KLHDC1: variants seen among roughly 807,000 people sequenced by gnomAD.
KLHDC1 encodes the protein kelch domain containing 1, also known as kelch domain-containing protein 1.
In KLHDC1, 53 loss-of-function variants were observed where a neutral mutation model predicts 68.3. That is an observed-to-expected ratio of 0.78 (90% CI 0.62 to 0.98). The LOEUF is 0.98. Among genes scored for constraint, KLHDC1 ranks in the 50% least tolerant of loss-of-function variants. The pLI is 0.00. For missense variants in KLHDC1, 470 were observed against 492.3 expected (o/e 0.95, Z 0.43); for synonymous variants, 148 against 159.0 (o/e 0.93, Z 0.52).
At chr14:49,732,950 C>A in intron 9 of KLHDC1, 134 bp downstream of exon 9, 1 of 596,864 alleles carries the variant, frequency 1.7e-6, no homozygotes, top group Non-Finnish European at 2.9e-6. Flanking sequence ...TATTTTCTTG[C>A]ATGAATTATG....
chr14:49,713,521 G>A (rs1888263620), intron 4 of KLHDC1, among the ~76,000 whole-genome samples: 3 of 151,886 alleles, frequency 2.0e-5, no homozygotes, highest in Admixed American at 6.6e-5. Flanking sequence ...AATCAATTGA[G>A]TCATTTCTCT....
intron 10 of KLHDC1, among the ~76,000 whole-genome samples, chr14:49,739,614 C>G (rs759208569): frequency 6.6e-6 from 1 of 152,032 alleles, no homozygotes; most frequent in Non-Finnish European, 1.5e-5. Context: ...ACAGTAACAT[C>G]GCAGATAGTA....
rs765520604 is a variant in KLHDC1, at chr14:49,709,699, C to A, written c.168-10C>A. ...GAAAGTTATGGGATTCCATGTTATT[C>A]TTGCTGCAGGAGAATGCACCTCATG... On this transcript the variant is annotated splice_polypyrimidine_tract_variant and intron_variant, in intron 2 of 12. Coordinates refer to ENST00000359332, the MANE Select transcript of KLHDC1 (RefSeq NM_172193.3). 7 of 1,486,242 alleles carry A rather than the reference C, an allele frequency of 4.7e-6. No homozygotes were observed. Among genetic ancestry groups the A allele is most frequent in the Non-Finnish European group, 5.5e-6 (6 of 1,091,650 alleles). 92.1% of individuals were successfully genotyped at this position (1,486,242 alleles called of 1,614,324 possible). A position where few individuals can be genotyped will look rare whatever the true frequency, so the allele number is the denominator to read the frequency against.
chr14:49,731,938 G>A (rs1888819322), intron 8 of KLHDC1, among the ~76,000 whole-genome samples: 1 of 152,054 alleles, frequency 6.6e-6, no homozygotes, highest in Non-Finnish European at 1.5e-5. Context: ...AGAATAGCTA[G>A]CATTTTCAGA....
At chr14:49,748,234 A>G (rs1050466748) in intron 12 of KLHDC1, among the ~76,000 whole-genome samples, 1 of 152,322 alleles carries the variant, frequency 6.6e-6, no homozygotes, top group African/African-American at 2.4e-5. Flanking sequence ...ACTGGGGGAA[A>G]ATGAGCTGGA....
intron 4 of KLHDC1, among the ~76,000 whole-genome samples, chr14:49,717,835 T>TA (rs1888419350): frequency 6.6e-6 from 1 of 152,160 alleles, no homozygotes; most frequent in South Asian, 2.1e-4. Flanking sequence ...TCAATCATCT[T>TA]ACTTGTTATA....
intron 1 of KLHDC1, among the ~76,000 whole-genome samples, chr14:49,698,187 T>C (rs574492976): frequency 2.7e-4 from 41 of 152,238 alleles, no homozygotes; most frequent in Non-Finnish European, 5.1e-4. Flanking sequence ...TGTATAGATT[T>C]CTTTTGAGCC....
intron 4 of KLHDC1, among the ~76,000 whole-genome samples, chr14:49,718,997 T>G (rs1215190873): frequency 6.6e-6 from 1 of 151,954 alleles, no homozygotes; most frequent in African/African-American, 2.4e-5. Context: ...CAAACTGGTC[T>G]CTAACTCCTA....
At chr14:49,696,536 G>T (rs759993407) in intron 1 of KLHDC1, among the ~76,000 whole-genome samples, 4 of 152,046 alleles carry the variant, frequency 2.6e-5, no homozygotes, top group Non-Finnish European at 4.4e-5. Flanking sequence ...ACTCATGTTA[G>T]CTTCAAACTT....
intron 11 of KLHDC1, among the ~76,000 whole-genome samples, chr14:49,742,672 T>TAAAA (rs373370360): frequency 1.4e-5 from 1 of 72,040 alleles, no homozygotes; most frequent in Non-Finnish European, 2.9e-5. Context: ...GACTCCGTCC[T>TAAAA]AAAAAAAAAA....
At position 49,743,875 on chromosome 14, in the gene KLHDC1, G is replaced by T. The variant is rs1438940112; in HGVS notation, c.1034+70G>T. 4 of 913,496 alleles carry T rather than the reference G, an allele frequency of 4.4e-6. No individual in the cohort carries two copies. The African/African-American group carries it at 5.1e-5, about 12-fold the overall frequency. The allele number at this position is 913,496 out of a possible 1,614,324, so 56.6% of individuals were successfully genotyped here. On this transcript the variant is annotated intron_variant, in intron 12 of 12. Transcript: ENST00000359332. Reference sequence around the variant, plus strand: ...ATAATTTCTTTCTCATTTTTGGGAAGCATTGAAATATTTTTCAGGTTGCTT... The same window carrying T: ...ATAATTTCTTTCTCATTTTTGGGAATCATTGAAATATTTTTCAGGTTGCTT...
Position 49,747,702 on chromosome 14 carries a change from T to C in KLHDC1, c.1035-3884T>C, listed in dbSNP as rs376741326. 2.6e-5 allele frequency among the ~76,000 whole-genome samples: 4 copies of C among 152,270 alleles called. No individual in the cohort carries two copies. The South Asian group carries it at 6.2e-4, about 24-fold the overall frequency. On this transcript the variant is annotated intron_variant, in intron 12 of 12. Transcript: ENST00000359332. ...TAAGATGAATGGTGAAGATTTGAAG[T>C]AGCTGCCTAGGTGACTGCAGGAAGA...
chr14:49,728,659 C>T (rs1279985991), intron 6 of KLHDC1, among the ~76,000 whole-genome samples: 1 of 152,136 alleles, frequency 6.6e-6, no homozygotes, highest in Non-Finnish European at 1.5e-5. Flanking sequence ...CAAAAATTTA[C>T]ATGAAACCTT....
intron 12 of KLHDC1, among the ~76,000 whole-genome samples, chr14:49,746,182 TA>T (rs1889195074): frequency 6.6e-6 from 1 of 152,168 alleles, no homozygotes; most frequent in Admixed American, 6.5e-5. Context: ...GAAGATGGCA[TA>T]AGGGTAGAAA....
intron 4 of KLHDC1, among the ~76,000 whole-genome samples, chr14:49,713,834 A>AT (rs1888288994): frequency 8.6e-4 from 2 of 2,318 alleles, no homozygotes; most frequent in Non-Finnish European, 2.8e-3. Flanking sequence ...ATATATATAT[A>AT]TATATATATA....
At chr14:49,705,464 G>A (rs1888026934) in intron 1 of KLHDC1, among the ~76,000 whole-genome samples, 1 of 133,370 alleles carries the variant, frequency 7.5e-6, no homozygotes, top group African/African-American at 2.7e-5. Context: ...CGCCTCCCAG[G>A]TTCAAGCAAT....
At chr14:49,705,365 C>CTTTTTTTTTTTTTTTTTTTTTTTTTTTTT (rs59444333) in intron 1 of KLHDC1, among the ~76,000 whole-genome samples, 2 of 71,664 alleles carry the variant, frequency 2.8e-5, no homozygotes, top group African/African-American at 1.1e-4. Flanking sequence ...TTCTTTCTTT[C>CTTTTTTTTTTTTTTTTTTTTTTTTTTTTT]TTTTTTTTTT....
chr14:49,713,537 C>T (rs1888263920), intron 4 of KLHDC1, among the ~76,000 whole-genome samples: 2 of 151,770 alleles, frequency 1.3e-5, no homozygotes, highest in South Asian at 2.1e-4. Flanking sequence ...TCTCTAGTAT[C>T]CTTCAAAGTG....
chr14:49,750,399 G>C (rs1200488915), intron 12 of KLHDC1, among the ~76,000 whole-genome samples: 2 of 152,234 alleles, frequency 1.3e-5, no homozygotes, highest in Non-Finnish European at 2.9e-5. Flanking sequence ...CATCTGGAGA[G>C]TTTCCCCTGG....
Sources: allele counts gnomAD v4.1 joint callset (sites outside exome capture counted in the v4.1 genomes callset), GRCh38; gene constraint gnomAD v4.1.1; transcripts MANE v1.5; gene names NCBI Gene and HGNC (gene_info 2026-07-23, HGNC 2026-07-21).